The following EEF2 variants were observed in gnomAD, a reference collection of about 807,000 sequenced individuals.
The protein encoded by EEF2 is eukaryotic translation elongation factor 2.
A neutral mutation model predicts 85.3 loss-of-function variants in EEF2; 21 were observed. The observed-to-expected ratio is 0.25, with a 90% CI of 0.17 to 0.35. The LOEUF (loss-of-function observed/expected upper bound fraction) is 0.35, where lower values mean the gene tolerates loss of function less well. EEF2 is among the 10% of genes least tolerant of loss of function. The pLI is 1.00. For synonymous variants in EEF2, 723 were observed against 508.8 expected (o/e 1.42, Z -5.67); for missense variants, 825 against 1,225.3 (o/e 0.67, Z 4.88).
At chr19:3,981,499 G>A (rs201333482) in intron 6 of EEF2, 47 bp from the exon 7 acceptor site, 26 of 1,558,486 alleles carry the variant, frequency 1.7e-5, no homozygotes, top group Middle Eastern at 3.3e-4. Flanking sequence ...GGAACAGCAG[G>A]AGGAAGCCTG....
chr19:3,977,261 G>C lies in EEF2; in HGVS notation c.2337C>G (p.Thr779=), dbSNP rs751796646. 4.3e-6 allele frequency: 7 copies of C among 1,613,248 alleles called. No homozygotes were observed. In the African/African-American group the frequency reaches 9.3e-5, roughly 22 times the overall value. Residue 779 remains threonine, a synonymous_variant, in exon 14 of 15, where the codon ACC becomes ACG. Coordinates refer to ENST00000309311, the MANE Select transcript of EEF2 (RefSeq NM_001961.4). This position sits in a 1 kb window ranked among gnomAD's most constrained non-coding sequence, Gnocchi z 5.4. ...GATAGGCCTTGACCACAAACATGGG[G>C]GTGCCGGCCACCTGGGACTCCTCGA... ...HVFEESQVAG[T]PMFVVKAYLP...
chr19:3,984,206 G>T lies in EEF2; in HGVS notation c.148C>A (p.Arg50=). Residue 50 remains arginine (R), a synonymous_variant, in exon 2 of 15, where the codon CGG becomes AGG. Transcript: ENST00000309311. ...VCKAGIIASA[R]AGETRFTDTR... Reference sequence around the variant, plus strand: ...TCAGTGAAGCGTGTCTCCCCGGCCCGGGCCGAGGCGATGATGCCCGCCTTG... The same window carrying T: ...TCAGTGAAGCGTGTCTCCCCGGCCCTGGCCGAGGCGATGATGCCCGCCTTG... 6.2e-7 allele frequency: 1 copy of T among 1,614,066 alleles called. No individual in the cohort carries two copies. Among genetic ancestry groups the T allele is most frequent in the Non-Finnish European group, 8.5e-7 (1 of 1,180,024 alleles).
At position 3,981,940 on chromosome 19, in the gene EEF2, C is replaced by T. The variant is rs1339741773; in HGVS notation, c.897+7G>A. ...TCGGCGGGGTGCCTGGCGCAGCCCTCACTCACCTTGAAGATGGGGTCCAGG... is the reference window on the plus strand; with the variant it reads ...TCGGCGGGGTGCCTGGCGCAGCCCTTACTCACCTTGAAGATGGGGTCCAGG... On this transcript the variant is annotated splice_region_variant and intron_variant, in intron 6 of 14. Transcript: ENST00000309311. 1 of 1,613,356 alleles carries T rather than the reference C, an allele frequency of 6.2e-7. No individual in the cohort carries two copies. Among genetic ancestry groups the T allele is most frequent in the Non-Finnish European group, 8.5e-7 (1 of 1,179,604 alleles).
At chr19:3,981,773 A>T (rs1225429974) in intron 6 of EEF2, among the ~76,000 whole-genome samples, 174 bp downstream of exon 6, 1 of 152,242 alleles carries the variant, frequency 6.6e-6, no homozygotes, top group African/African-American at 2.4e-5. Flanking sequence ...TATGCAGTCC[A>T]GATCTTAAGA....
chr19:3,978,520 C>A (rs983286044), intron 11 of EEF2, among the ~76,000 whole-genome samples: 1 of 152,290 alleles, frequency 6.6e-6, no homozygotes, highest in African/African-American at 2.4e-5. Flanking sequence ...AAAACTGCCC[C>A]GGAGGCCGGG....
intron 11 of EEF2, among the ~76,000 whole-genome samples, 185 bp from the exon 12 acceptor site, chr19:3,978,357 G>A (rs2039702507): frequency 6.6e-6 from 1 of 152,174 alleles, no homozygotes. Flanking sequence ...AGGACAAGGA[G>A]CAGGGGCTCC....
intron 10 of EEF2, 77 bp from the exon 11 acceptor site, chr19:3,979,513 G>C: frequency 7.8e-7 from 1 of 1,278,224 alleles, no homozygotes; most frequent in South Asian, 1.3e-5. Flanking sequence ...CTTCCCTTTA[G>C]CTAGGGACCC....
In EEF2 at chr19:3,976,419, G is replaced by A. The variant is rs972981067; in HGVS notation, c.*135C>T. The A allele has an allele frequency of 7.6e-6, 7 of 926,430 alleles. No individual in the cohort carries two copies. The highest frequency in any genetic ancestry group is 5.3e-5 in the Admixed American group (2 of 37,480). 57.4% of individuals were successfully genotyped at this position (926,430 alleles called of 1,614,324 possible). On this transcript the variant is annotated 3_prime_UTR_variant, in exon 15 of 15. Coordinates refer to ENST00000309311, the MANE Select transcript of EEF2 (RefSeq NM_001961.4). ...AAGTGTTATGGTTGAGTGATGGCAC[G>A]CAGCGGGCCCCAGAAACCTCTCAGG...
chr19:3,985,208 C>A (rs2039804791), intron 1 of EEF2, 170 bp downstream of exon 1: 2 of 677,064 alleles, frequency 3.0e-6, no homozygotes, highest in Non-Finnish European at 4.4e-6. Context: ...CGGTGAACAG[C>A]GCGGCGCACA....
rs139526285 is a variant in EEF2 at position 3,979,472 on chromosome 19, C to T, written c.1606-36G>A. 1,255 of 1,577,272 alleles carry T rather than the reference C, an allele frequency of 8.0e-4. 14 individuals are homozygous for T. The East Asian group carries it at 0.016, about 20-fold the overall frequency. On this transcript the variant is annotated intron_variant, in intron 10 of 14. Transcript: ENST00000309311. ...TGCGGGTCAGCACCAAAGGGGTAGG[C>T]GGCTCGGAACAGGCGGGACCAGGCT...
intron 9 of EEF2, 90 bp downstream of exon 9, chr19:3,980,424 C>T (rs2039731033): frequency 6.9e-7 from 1 of 1,457,270 alleles, no homozygotes; most frequent in Non-Finnish European, 9.3e-7. Context: ...ATGCTCCTTA[C>T]TTCTAGCTCC....
intron 2 of EEF2, 40 bp downstream of exon 2, chr19:3,984,096 G>C: frequency 6.2e-7 from 1 of 1,600,920 alleles, no homozygotes; most frequent in African/African-American, 1.3e-5. Flanking sequence ...TGCCAGGCCA[G>C]CACCTCCCTG....
At chr19:3,980,214 G>T in intron 9 of EEF2, 148 bp from the exon 10 acceptor site, 1 of 1,207,168 alleles carries the variant, frequency 8.3e-7, no homozygotes, top group Non-Finnish European at 1.1e-6. Context: ...CTGCTGCGTC[G>T]GGGCTGTCAG....
chr19:3,980,188 T>C, intron 9 of EEF2, 122 bp from the exon 10 acceptor site: 1 of 1,386,312 alleles, frequency 7.2e-7, no homozygotes, highest in Non-Finnish European at 9.7e-7. Flanking sequence ...GACTGGTGGC[T>C]TCCACAAGGC....
At chr19:3,984,983 A>AT (rs5826832) in intron 1 of EEF2, 252,178 of 252,208 alleles carry the variant, frequency 1, 126,074 homozygotes, top group Middle Eastern at 1. Flanking sequence ...TCGTTCTGCC[A>AT]TTCCCTGCCG....
At chr19:3,981,256 C>T in intron 7 of EEF2, 83 bp downstream of exon 7, 4 of 1,380,386 alleles carry the variant, frequency 2.9e-6, no homozygotes, top group Non-Finnish European at 4.1e-6. Context: ...CTGAGGACTT[C>T]AGCCCCCAGG....
rs148878859 is a variant in EEF2, at chr19:3,978,140, C to T, written c.1746G>A (p.Thr582=). The T allele has an allele frequency of 1.3e-4, 197 of 1,467,172 alleles. No homozygotes were observed. The Admixed American group carries it at 2.1e-3, about 16-fold the overall frequency. 90.9% of individuals were successfully genotyped at this position (1,467,172 alleles called of 1,614,324 possible). Residue 582 remains threonine (T), a synonymous_variant, in exon 12 of 15, where the codon ACG becomes ACA. Transcript: ENST00000309311. ...AGAGCACGTTCGACTCTTCACTGACCGTCTCGCGGTACGAGACGACCGGGT... is the reference window on the plus strand; with the variant it reads ...AGAGCACGTTCGACTCTTCACTGACTGTCTCGCGGTACGAGACGACCGGGT... ...KSDPVVSYRE[T]VSEESNVLCL...
At position 3,977,134 on chromosome 19, in the gene EEF2, AC is replaced by A; in HGVS notation, c.2383+80del. On this transcript the variant is annotated intron_variant, in intron 14 of 14. Coordinates refer to ENST00000309311, the MANE Select transcript of EEF2 (RefSeq NM_001961.4). This position sits in a 1 kb window ranked among gnomAD's most constrained non-coding sequence, Gnocchi z 5.4. ...TGCTCCCATCAGGACGCCTCCTTTA[AC>A]ACCTTGCTAAGCTTAACTGGGCTTC... is the stretch of plus-strand genomic sequence containing the variant. 1.3e-6 allele frequency: 2 copies of A among 1,561,288 alleles called. No individual in the cohort carries two copies. The highest frequency in any genetic ancestry group is 3.6e-5 in the Admixed American group (2 of 55,674).
chr19:3,981,523 C>T (rs951618087), intron 6 of EEF2, 71 bp from the exon 7 acceptor site: 10 of 1,431,868 alleles, frequency 7.0e-6, no homozygotes, highest in Admixed American at 1.7e-5. Flanking sequence ...CTGCTTCCTG[C>T]TTGGAAGACT....
Sources: allele counts gnomAD v4.1 joint callset (sites outside exome capture counted in the v4.1 genomes callset), GRCh38; gene constraint gnomAD v4.1.1; non-coding constraint Gnocchi (gnomAD v3.1); transcripts MANE v1.5; gene names NCBI Gene and HGNC (gene_info 2026-07-23, HGNC 2026-07-21).